VIPR1: variants seen among roughly 807,000 people sequenced by gnomAD.
VIPR1 encodes the protein vasoactive intestinal polypeptide receptor 1.
In VIPR1, 59 loss-of-function variants were observed where a neutral mutation model predicts 58.8. The observed-to-expected ratio is 1.00, with a 90% confidence interval of 0.81 to 1.25. VIPR1 has a LOEUF of 1.25. VIPR1 is among the 50% of genes most tolerant of loss of function. The pLI, the probability that VIPR1 is intolerant of heterozygous loss-of-function variation, is 0.00. For missense variants in VIPR1, 626 were observed against 602.7 expected (o/e 1.04, Z -0.40); for synonymous variants, 251 against 242.1 (o/e 1.04, Z -0.34).
rs1168738997 is a variant in VIPR1 at position 42,537,173 on chromosome 3, C to T, written c.*892C>T. On this transcript the variant is annotated 3_prime_UTR_variant, in exon 13 of 13. Transcript: ENST00000325123. ...CTATGTGCCAACTGTTGTAACTAGG[C>T]TCAGAGATGTGCACCCATGGGCTCT... 2 of 152,234 alleles carry T rather than the reference C, an allele frequency of 1.3e-5. No individual in the cohort carries two copies. Among genetic ancestry groups the T allele is most frequent in the Non-Finnish European group, 2.9e-5 (2 of 68,048 alleles). 9.4% of individuals were successfully genotyped at this position (152,234 alleles called of 1,614,324 possible). A position where few individuals can be genotyped will look rare whatever the true frequency, so the allele number is the denominator to read the frequency against.
At chr3:42,529,558 GA>G (rs1462194980) in intron 6 of VIPR1, 1 of 152,010 alleles carries the variant, frequency 6.6e-6, no homozygotes, top group African/African-American at 2.4e-5. Flanking sequence ...ACTGAAGCGA[GA>G]CCTGAGGAAG....
At chr3:42,534,948 C>CA in intron 10 of VIPR1, 27 bp from the exon 11 acceptor site, 1 of 1,613,448 alleles carries the variant, frequency 6.2e-7, no homozygotes, top group Non-Finnish European at 8.5e-7. Context: ...CACACATACC[C>CA]ATGGCCTGTC....
At chr3:42,522,101 A>ATTTTTTT (rs1158302778) in intron 3 of VIPR1, among the ~76,000 whole-genome samples, 1 of 35,372 alleles carries the variant, frequency 2.8e-5, no homozygotes, top group Non-Finnish European at 5.0e-5. Context: ...ATATATATAT[A>ATTTTTTT]TTTTTTTTTT....
intron 3 of VIPR1, 109 bp from the exon 4 acceptor site, chr3:42,525,778 C>G: frequency 8.6e-7 from 1 of 1,168,174 alleles, no homozygotes; most frequent in South Asian, 1.5e-5. Context: ...CTGACAGCAC[C>G]AGGGTTGGTG....
intron 2 of VIPR1, 113 bp downstream of exon 2, chr3:42,513,967 A>G: frequency 8.1e-7 from 1 of 1,233,450 alleles, no homozygotes. Context: ...GATGATGGTG[A>G]GGAGCGGCTG....
Position 42,537,332 on chromosome 3 carries a change from G to A in VIPR1, c.*1051G>A, listed in dbSNP as rs1333736282. 2.0e-5 allele frequency: 3 copies of A among 152,194 alleles called. No homozygotes were observed. Among genetic ancestry groups the A allele is most frequent in the Non-Finnish European group, 4.4e-5 (3 of 68,036 alleles). 9.4% of individuals were successfully genotyped at this position (152,194 alleles called of 1,614,324 possible). On this transcript the variant is annotated 3_prime_UTR_variant, in exon 13 of 13. Transcript: ENST00000325123. ...ACCAGCCAGATCCTCTTGGTTATTTGTTTACCACTTGTATTATTAATGCCA... is the reference window on the plus strand; with the variant it reads ...ACCAGCCAGATCCTCTTGGTTATTTATTTACCACTTGTATTATTAATGCCA...
In VIPR1 at chr3:42,530,725, G is replaced by T; in HGVS notation, c.637-54G>T. 3 of 1,597,962 alleles carry T rather than the reference G, an allele frequency of 1.9e-6. No homozygotes were observed. In the Middle Eastern group the frequency reaches 5.0e-4, roughly 268 times the overall value. The stretch of plus-strand genomic sequence containing the variant: ...GTCCCCCCAGACACGAGTGTGGGCA[G>T]TCAAGGACCCTTGACAGCCCCAGTG... On this transcript the variant is annotated intron_variant, in intron 6 of 12. Transcript: ENST00000325123.
intron 3 of VIPR1, among the ~76,000 whole-genome samples, chr3:42,522,151 C>T (rs1281931014): frequency 2.5e-5 from 3 of 119,674 alleles, no homozygotes; most frequent in Admixed American, 8.9e-5. Flanking sequence ...TCGCTCTGTC[C>T]CCCAGGCTGG....
chr3:42,495,045 A>C (rs1448560123), intron 1 of VIPR1, among the ~76,000 whole-genome samples: 1 of 152,200 alleles, frequency 6.6e-6, no homozygotes, highest in Non-Finnish European at 1.5e-5. Flanking sequence ...GAAAAGAATA[A>C]GAAAATCAAA....
intron 10 of VIPR1, 87 bp downstream of exon 10, chr3:42,532,420 C>T (rs1362151395): frequency 7.3e-7 from 1 of 1,369,856 alleles, no homozygotes; most frequent in Non-Finnish European, 1.0e-6. Flanking sequence ...CCTCCCACCC[C>T]AAACATCCAG....
At chr3:42,499,204 C>T (rs756439809), upstream of VIPR1, among the ~76,000 whole-genome samples, 12 of 149,872 alleles carry the variant, frequency 8.0e-5, no homozygotes, top group East Asian at 2.0e-4. Context: ...TGGCCTCCAG[C>T]GTACAGGTCA....
At chr3:42,504,403 C>T (rs1217066557) in intron 1 of VIPR1, among the ~76,000 whole-genome samples, 3 of 152,088 alleles carry the variant, frequency 2.0e-5, no homozygotes, top group Non-Finnish European at 2.9e-5. Context: ...ACATCTTATT[C>T]GTTTAGTGCC....
intron 3 of VIPR1, among the ~76,000 whole-genome samples, chr3:42,524,199 A>G (rs1371869953): frequency 6.6e-6 from 1 of 152,156 alleles, no homozygotes; most frequent in Non-Finnish European, 1.5e-5. Flanking sequence ...AGGGCCTCAG[A>G]GCCTGCAGTT....
intron 1 of VIPR1, chr3:42,506,917 T>G (rs929719182): frequency 6.6e-6 from 1 of 152,126 alleles, no homozygotes; most frequent in African/African-American, 2.4e-5. Flanking sequence ...TTTGTGAAAA[T>G]TTTTAAACAA....
At chr3:42,498,069 C>G (rs1332241120), upstream of VIPR1, among the ~76,000 whole-genome samples, 2 of 152,198 alleles carry the variant, frequency 1.3e-5, no homozygotes, top group Admixed American at 1.3e-4. Context: ...CCCTCTTCCT[C>G]TATCCCCTGG....
chr3:42,536,074 C>T lies in VIPR1; in HGVS notation c.1183-16C>T. On this transcript the variant is annotated splice_polypyrimidine_tract_variant and intron_variant, in intron 12 of 12. Transcript: ENST00000325123. ...GGCTCCACAGCAGTGGGCCTGACCA[C>T]CTTCCCCTCTCCTAGGTGCAGGCGG... The T allele has an allele frequency of 6.3e-7, 1 of 1,582,806 alleles. No homozygotes were observed. Among genetic ancestry groups the T allele is most frequent in the Non-Finnish European group, 8.6e-7 (1 of 1,164,694 alleles).
chr3:42,495,854 A>G (rs1699749131), intron 1 of VIPR1, among the ~76,000 whole-genome samples: 2 of 151,948 alleles, frequency 1.3e-5, no homozygotes, highest in Non-Finnish European at 2.9e-5. Context: ...ATAACAATGA[A>G]AACTGAACAA....
chr3:42,528,160 C>G (rs781444115), intron 6 of VIPR1, 37 bp downstream of exon 6: 1 of 1,605,456 alleles, frequency 6.2e-7, no homozygotes, highest in African/African-American at 1.3e-5. Flanking sequence ...CCCTCAGTCT[C>G]GCCGTTATCT....
chr3:42,527,373 T>G lies in VIPR1; in HGVS notation c.400-20T>G. ...CCTCCCACCCCACCACCCAAGAGCC[T>G]CTCCCTGTCCCTCCAACAGCAGCAG... On this transcript the variant is annotated intron_variant, in intron 4 of 12. Transcript: ENST00000325123. The G allele has an allele frequency of 9.7e-6, 15 of 1,541,272 alleles. No individual in the cohort carries two copies. Among genetic ancestry groups the G allele is most frequent in the Non-Finnish European group, 1.1e-5 (13 of 1,134,854 alleles).
Sources: allele counts gnomAD v4.1 joint callset (sites outside exome capture counted in the v4.1 genomes callset), GRCh38; gene constraint gnomAD v4.1.1; transcripts MANE v1.5; gene names NCBI Gene and HGNC (gene_info 2026-07-23, HGNC 2026-07-21).